Variants in NAALADL2 observed in about 807,000 individuals in gnomAD.
NAALADL2 encodes inactive N-acetylated-alpha-linked acidic dipeptidase-like protein 2.
In NAALADL2, 76 loss-of-function variants were observed where a neutral mutation model predicts 87.2. That is an observed-to-expected ratio of 0.87 (90% CI 0.72 to 1.05). The LOEUF (loss-of-function observed/expected upper bound fraction) is 1.05. Ranked by LOEUF, NAALADL2 falls within the 50% of genes least tolerant of loss-of-function variation. The probability of loss-of-function intolerance (pLI) is 0.00; values close to 1 mark genes in which losing one functional copy is unlikely to be tolerated. For synonymous variants in NAALADL2, 354 were observed against 331.0 expected (o/e 1.07, Z -0.75); for missense variants, 1,089 against 945.8 (o/e 1.15, Z -1.99).
intron 10 of NAALADL2, among the ~76,000 whole-genome samples, chr3:175,591,896 C>A (rs1419742007): frequency 2.0e-5 from 3 of 150,684 alleles, no homozygotes; most frequent in Admixed American, 2.0e-4. Context: ...TACAGATACA[C>A]CCATCATAGG....
intron 4 of NAALADL2, among the ~76,000 whole-genome samples, chr3:175,284,688 A>G (rs1044184915): frequency 9.2e-5 from 14 of 152,152 alleles, no homozygotes; most frequent in African/African-American, 3.4e-4. Flanking sequence ...AGATAGGAAA[A>G]GAAATTAAAA....
Position 174,654,845 on chromosome 3 carries a change from C to T in NAALADL2, c.-114-82796C>T, listed in dbSNP as rs143716944. On this transcript the variant is annotated intron_variant, in intron 2 of 3. Transcript: ENST00000434257. ...CTGCCTCCCGGGTTCAAGCCATTCT[C>T]CTGCCTCAGCCTCCTGAGTATCTGG... 6.2e-3 allele frequency among the ~76,000 whole-genome samples: 937 copies of T among 152,234 alleles called. 6 individuals are homozygous for T. The highest frequency in any genetic ancestry group is 0.021 in the African/African-American group (892 of 41,530).
intron 9 of NAALADL2, among the ~76,000 whole-genome samples, chr3:175,538,503 G>A (rs1315626788): frequency 1.3e-5 from 2 of 151,826 alleles, no homozygotes; most frequent in African/African-American, 2.4e-5. Flanking sequence ...CCATAGAATA[G>A]GTCCTGGCTT....
At chr3:175,140,415 G>C (rs1267508651) in intron 2 of NAALADL2, among the ~76,000 whole-genome samples, 1 of 152,088 alleles carries the variant, frequency 6.6e-6, no homozygotes, top group Non-Finnish European at 1.5e-5. Context: ...ACACACCATA[G>C]TGTGCTAAGT....
At chr3:175,126,162 G>T (rs1359862760) in intron 2 of NAALADL2, among the ~76,000 whole-genome samples, 3 of 151,998 alleles carry the variant, frequency 2.0e-5, no homozygotes, top group Non-Finnish European at 4.4e-5. Context: ...TTTCTGGGGG[G>T]TAGGAAGGGC....
intron 4 of NAALADL2, among the ~76,000 whole-genome samples, chr3:175,314,072 C>CAAAAAAAA (rs10678475): frequency 3.8e-5 from 3 of 79,846 alleles, no homozygotes; most frequent in Non-Finnish European, 8.0e-5. Context: ...GACTCCATCT[C>CAAAAAAAA]AAAAAAAAAA....
At chr3:175,436,631 T>C (rs546088295) in intron 5 of NAALADL2, among the ~76,000 whole-genome samples, 2 of 142,984 alleles carry the variant, frequency 1.4e-5, no homozygotes, top group East Asian at 4.5e-4. Flanking sequence ...ATGTGTGTTT[T>C]GGCTGCATAA....
At chr3:175,313,632 A>G (rs1443583361) in intron 4 of NAALADL2, among the ~76,000 whole-genome samples, 1 of 152,240 alleles carries the variant, frequency 6.6e-6, no homozygotes, top group Non-Finnish European at 1.5e-5. Context: ...GTGGAATTCA[A>G]CTACTATTCC....
intron 4 of NAALADL2, among the ~76,000 whole-genome samples, chr3:175,280,054 A>G (rs1754094406): frequency 6.6e-6 from 1 of 151,860 alleles, no homozygotes; most frequent in South Asian, 2.1e-4. Flanking sequence ...ACAGTTTTAA[A>G]TATACCCTTG....
At chr3:175,779,458 TCAAAA>T (rs1750717027) in intron 13 of NAALADL2, among the ~76,000 whole-genome samples, 1 of 151,838 alleles carries the variant, frequency 6.6e-6, no homozygotes. Context: ...CATTTTTTTT[TCAAAA>T]TGTTTACTTC....
intron 1 of NAALADL2, among the ~76,000 whole-genome samples, chr3:174,910,117 T>A (rs1396813632): frequency 6.6e-6 from 1 of 151,970 alleles, no homozygotes; most frequent in Non-Finnish European, 1.5e-5. Flanking sequence ...TGTAGTTGAT[T>A]TTTTAGAGAT....
intron 1 of NAALADL2, among the ~76,000 whole-genome samples, chr3:174,997,168 A>G (rs1747612531): frequency 6.6e-6 from 1 of 151,668 alleles, no homozygotes; most frequent in African/African-American, 2.4e-5. Flanking sequence ...TTTTTCATAT[A>G]ATGACTTTTT....
chr3:175,727,482 A>G (rs1391990580), intron 11 of NAALADL2, among the ~76,000 whole-genome samples: 1 of 152,166 alleles, frequency 6.6e-6, no homozygotes, highest in African/African-American at 2.4e-5. Flanking sequence ...TATATATTCC[A>G]AATGTTTCCT....
rs142224221 is a variant in NAALADL2 at position 175,598,894 on chromosome 3, G to A, written c.1800+22707G>A. Among the ~76,000 whole-genome samples the A allele has an allele frequency of 3.8e-4, 58 of 152,244 alleles. No homozygotes were observed. The East Asian group carries it at 0.011, about 29-fold the overall frequency. On this transcript the variant is annotated intron_variant, in intron 10 of 13. Transcript: ENST00000454872. ...TTCCCCTGGACACTCGTTTAGTTGA[G>A]TTTTGTAGTAAGAGCGCACTGACAT...
intron 12 of NAALADL2, among the ~76,000 whole-genome samples, chr3:175,741,251 C>G (rs1397667678): frequency 6.6e-6 from 1 of 152,110 alleles, no homozygotes; most frequent in African/African-American, 2.4e-5. Context: ...GTTCACTTCC[C>G]GGTTCAAAGA....
chr3:175,197,236 ATATCTCTGTTAACTG>A (rs1304067148), intron 2 of NAALADL2, among the ~76,000 whole-genome samples: 1 of 151,992 alleles, frequency 6.6e-6, no homozygotes, highest in Non-Finnish European at 1.5e-5. Context: ...GTATTTGTTT[ATATCTCTGTTAACTG>A]TGAATAAGCC....
intron 3 of NAALADL2, among the ~76,000 whole-genome samples, chr3:174,776,139 G>T (rs1238012555): frequency 1.3e-5 from 2 of 152,036 alleles, no homozygotes; most frequent in African/African-American, 2.4e-5. Context: ...GACAAGCCTA[G>T]CCAAGCAAGA....
chr3:175,511,781 G>A (rs939743969), intron 9 of NAALADL2, among the ~76,000 whole-genome samples: 7 of 152,184 alleles, frequency 4.6e-5, no homozygotes, highest in South Asian at 2.1e-4. Context: ...TAGAGTTTGC[G>A]CTTCTGCATT....
At chr3:174,866,792 T>G (rs930077462) in intron 1 of NAALADL2, among the ~76,000 whole-genome samples, 12 of 151,828 alleles carry the variant, frequency 7.9e-5, no homozygotes, top group African/African-American at 2.9e-4. Context: ...TGTAGGTAAA[T>G]AGGAATTTGG....
Sources: allele counts gnomAD v4.1 joint callset (sites outside exome capture counted in the v4.1 genomes callset), GRCh38; gene constraint gnomAD v4.1.1; transcripts MANE v1.5; gene names NCBI Gene and HGNC (gene_info 2026-07-23, HGNC 2026-07-21).